Variants in MIB1 observed in about 807,000 individuals in gnomAD.
MIB1 encodes MIB E3 ubiquitin protein ligase 1, also known as E3 ubiquitin-protein ligase MIB1.
In MIB1, 278 loss-of-function variants were observed where a neutral mutation model predicts 124.5. The ratio of observed to expected loss-of-function variants is 2.23; its 90% CI spans 2.02 to 2.47. MIB1 has a LOEUF of 2.47. Among genes scored for constraint, MIB1 ranks in the 30% most tolerant of loss-of-function variants. The probability of loss-of-function intolerance (pLI) is 0.00; values close to 1 mark genes in which losing one functional copy is unlikely to be tolerated. For missense variants in MIB1, 957 were observed against 1,254.4 expected (o/e 0.76, Z 3.58); for synonymous variants, 446 against 429.4 (o/e 1.04, Z -0.48).
intron 1 of MIB1, among the ~76,000 whole-genome samples, chr18:21,751,832 A>G (rs1429261182): frequency 6.6e-6 from 1 of 152,142 alleles, no homozygotes; most frequent in Non-Finnish European, 1.5e-5. Context: ...TCTAGATTCA[A>G]AATATTTTTC....
chr18:21,815,782 T>A lies in MIB1; in HGVS notation c.1646T>A (p.Leu549Ter). The A allele has an allele frequency of 6.2e-7, 1 of 1,614,172 alleles. No individual in the cohort carries two copies. The highest frequency in any genetic ancestry group is 8.5e-7 in the Non-Finnish European group (1 of 1,180,018). ...NKGHLQVVKT[L>*]LDFGCHPSLQ... ...GGTCATCTTCAAGTTGTGAAGACTT[T>A]ATTGGACTTTGGCTGTCATCCCAGT... Residue 549 changes from leucine to a stop codon, truncating the protein, a stop_gained, in exon 11 of 21, where the codon TTA (leucine) becomes TAA (stop). Coordinates refer to ENST00000261537, the MANE Select transcript of MIB1 (RefSeq NM_020774.4). LOFTEE classifies it high-confidence loss of function.
intron 18 of MIB1, among the ~76,000 whole-genome samples, chr18:21,855,891 G>A (rs1422827298): frequency 6.6e-6 from 1 of 152,200 alleles, no homozygotes; most frequent in Admixed American, 6.5e-5. Flanking sequence ...ATTGCTGTGT[G>A]TTATTTTATA....
At chr18:21,842,002 A>G (rs2042094174) in intron 13 of MIB1, among the ~76,000 whole-genome samples, 1 of 143,732 alleles carries the variant, frequency 7.0e-6, no homozygotes, top group Admixed American at 7.3e-5. Context: ...AGGCTAAGGC[A>G]GGAGTATTCC....
At chr18:21,773,581 C>T in intron 3 of MIB1, 43 bp from the exon 4 acceptor site, 1 of 1,273,184 alleles carries the variant, frequency 7.9e-7, no homozygotes, top group African/African-American at 1.5e-5. Context: ...AAGCTCTTCC[C>T]TCCCCTTTAA....
chr18:21,780,384 C>T (rs1029703637), intron 6 of MIB1, among the ~76,000 whole-genome samples: 2 of 152,176 alleles, frequency 1.3e-5, no homozygotes, highest in South Asian at 2.1e-4. Context: ...ACTCATCCCC[C>T]CCTTTCTCCT....
intron 1 of MIB1, among the ~76,000 whole-genome samples, chr18:21,724,776 G>A (rs2040733702): frequency 1.8e-5 from 1 of 56,022 alleles, no homozygotes; most frequent in African/African-American, 6.3e-5. Context: ...ATATATATTA[G>A]TCTATATGGA....
At chr18:21,849,500 A>G (rs1009544285) in intron 17 of MIB1, 112 bp downstream of exon 17, 27 of 508,932 alleles carry the variant, frequency 5.3e-5, no homozygotes, top group Non-Finnish European at 8.9e-5. Flanking sequence ...CTTCCAAACA[A>G]TGATTTAAAT....
intron 4 of MIB1, among the ~76,000 whole-genome samples, chr18:21,774,866 G>A (rs1423413737): frequency 6.7e-6 from 1 of 149,856 alleles, no homozygotes; most frequent in Non-Finnish European, 1.5e-5. Flanking sequence ...AGGCTGGAAT[G>A]CAGTGGCCTG....
chr18:21,792,529 G>A (rs1363784715), intron 7 of MIB1, among the ~76,000 whole-genome samples: 1 of 151,920 alleles, frequency 6.6e-6, no homozygotes, highest in African/African-American at 2.4e-5. Context: ...TCCCTAAGTA[G>A]GTATTTTAGC....
intron 1 of MIB1, among the ~76,000 whole-genome samples, chr18:21,720,083 G>A (rs192694721): frequency 5.8e-4 from 89 of 152,210 alleles, no homozygotes; most frequent in Non-Finnish European, 1.0e-3. Flanking sequence ...CTAAATAAAG[G>A]GAAAGAAACC....
At position 21,741,712 on chromosome 18, in the gene MIB1, G is replaced by A. The variant is rs745717604; in HGVS notation, c.129G>A (p.Glu43=). The change falls in exon 1 of 21, where the codon GAG becomes GAA. Residue 43 remains glutamate (E), a synonymous_variant. Coordinates refer to ENST00000261537, the MANE Select transcript of MIB1 (RefSeq NM_020774.4). The surrounding 1 kb of genome is among the most constrained non-coding windows in gnomAD (Gnocchi z 5.4). ...ATGTGGGCACCGTCCGGAGCTTCGA[G>A]AGCCCCGAGGAGGTGGTGGTAGTGT... ...EGHVGTVRSF[E]SPEEVVVVWD... The A allele has an allele frequency of 6.8e-6, 11 of 1,611,598 alleles. No homozygotes were observed. Among genetic ancestry groups the A allele is most frequent in the Non-Finnish European group, 8.5e-6 (10 of 1,179,404 alleles).
rs140163532 is a variant in MIB1, at chr18:21,765,590, G to A, written c.230-182G>A. Reference sequence around the variant, plus strand: ...AGCAGAGGGAAAATATATATAATTCGCATTTATTAACGTAGTTGAGATCCA... The same window carrying A: ...AGCAGAGGGAAAATATATATAATTCACATTTATTAACGTAGTTGAGATCCA... On this transcript the variant is annotated intron_variant, in intron 1 of 20. Coordinates refer to ENST00000261537, the MANE Select transcript of MIB1 (RefSeq NM_020774.4). Among the ~76,000 whole-genome samples the A allele has an allele frequency of 7.2e-4, 109 of 152,184 alleles. 1 individual carries two copies. Among genetic ancestry groups the A allele is most frequent in the African/African-American group, 2.6e-3 (108 of 41,518 alleles).
chr18:21,829,088 T>A (rs1568218049), intron 12 of MIB1: 1 of 455,190 alleles, frequency 2.2e-6, no homozygotes, highest in Admixed American at 2.6e-5. Flanking sequence ...TCTGAGTAGG[T>A]ATTACTAAGT....
In MIB1 at chr18:21,859,758, G is replaced by A. The variant is rs542366087; in HGVS notation, c.2880+1112G>A. On this transcript the variant is annotated intron_variant, in intron 20 of 20. Transcript: ENST00000261537. ...ACAAAAATTAGCCAGGCATGGTGGC[G>A]CGCACCTGTAGTCGCAGCTACTCTG... 1.8e-4 allele frequency among the ~76,000 whole-genome samples: 28 copies of A among 151,668 alleles called. No individual in the cohort carries two copies. The South Asian group carries it at 3.1e-3, about 17-fold the overall frequency.
At chr18:21,770,658 A>G in intron 3 of MIB1, among the ~76,000 whole-genome samples, 1 of 152,066 alleles carries the variant, frequency 6.6e-6, no homozygotes, top group South Asian at 2.1e-4. Flanking sequence ...TATACGTGTT[A>G]GTCTTTTAAA....
chr18:21,719,478 G>A (rs907978526), intron 1 of MIB1, among the ~76,000 whole-genome samples: 2 of 151,962 alleles, frequency 1.3e-5, no homozygotes, highest in Admixed American at 6.6e-5. Context: ...ATGAAGTCTC[G>A]CTCTGTTGCC....
At chr18:21,793,128 C>T (rs1161071054) in intron 7 of MIB1, among the ~76,000 whole-genome samples, 1 of 152,188 alleles carries the variant, frequency 6.6e-6, no homozygotes, top group East Asian at 1.9e-4. Context: ...AGCTCCAAAA[C>T]AGCTAGCAAA....
intron 12 of MIB1, among the ~76,000 whole-genome samples, chr18:21,837,763 T>C (rs1381098366): frequency 1.3e-5 from 2 of 152,242 alleles, no homozygotes; most frequent in East Asian, 3.8e-4. Flanking sequence ...GCTCCAGACT[T>C]GGTTTACCAC....
At position 21,749,641 on chromosome 18, in the gene MIB1, C is replaced by CT. The variant is rs10653364; in HGVS notation, c.229+7845dup. On this transcript the variant is annotated intron_variant, in intron 1 of 20. Transcript: ENST00000261537. ...TTTTTCTAATTACTGCTACCTTACT[C>CT]TTTTTTTTTTTTTTTTGAAATGGAG... 1.3e-3 allele frequency among the ~76,000 whole-genome samples: 147 copies of CT among 114,546 alleles called. 1 individual carries two copies. The highest frequency in any genetic ancestry group is 0.012 in the East Asian group (48 of 4,000). The allele number at this position is 114,546 out of a possible 152,430, so 75.1% of individuals were successfully genotyped here.
Sources: allele counts gnomAD v4.1 joint callset (sites outside exome capture counted in the v4.1 genomes callset), GRCh38; gene constraint gnomAD v4.1.1; non-coding constraint Gnocchi (gnomAD v3.1); transcripts MANE v1.5; gene names NCBI Gene and HGNC (gene_info 2026-07-23, HGNC 2026-07-21).